Variants in TGM4 observed in about 807,000 individuals in gnomAD.
TGM4 encodes the protein protein-glutamine gamma-glutamyltransferase 4.
A neutral mutation model predicts 76.3 loss-of-function variants in TGM4; 61 were observed. That is an observed-to-expected ratio of 0.80 (90% confidence interval 0.65 to 0.99). TGM4 has a LOEUF of 0.99. Ranked by LOEUF, TGM4 falls within the 50% of genes least tolerant of loss-of-function variation. The pLI, the probability that TGM4 is intolerant of heterozygous loss-of-function variation, is 0.00. For missense variants in TGM4, 794 were observed against 843.2 expected (o/e 0.94, Z 0.72); for synonymous variants, 337 against 329.8 (o/e 1.02, Z -0.24).
chr3:44,890,131 G>A (rs529765972), intron 3 of TGM4, among the ~76,000 whole-genome samples: 2 of 152,146 alleles, frequency 1.3e-5, no homozygotes, highest in Non-Finnish European at 2.9e-5. Flanking sequence ...GGGGGAAACT[G>A]CCCCCATGAT....
At chr3:44,890,959 C>T (rs4408902) in intron 4 of TGM4, among the ~76,000 whole-genome samples, 3,042 of 152,264 alleles carry the variant, frequency 0.02, 51 homozygotes, top group Middle Eastern at 0.065. Flanking sequence ...CCCAGTGCCT[C>T]GCCCTGCCCC....
chr3:44,875,403 C>T (rs1434746710), intron 1 of TGM4, among the ~76,000 whole-genome samples: 1 of 152,160 alleles, frequency 6.6e-6, no homozygotes, highest in African/African-American at 2.4e-5. Context: ...CTCAAGGTCA[C>T]CTGATGGATT....
intron 5 of TGM4, among the ~76,000 whole-genome samples, chr3:44,895,085 G>A (rs755979323): frequency 2.0e-4 from 31 of 151,634 alleles, no homozygotes; most frequent in Non-Finnish European, 3.2e-4. Flanking sequence ...CATGAGGCCC[G>A]GAGATCGAGA....
Position 44,903,973 on chromosome 3 carries a change from A to G in TGM4, c.1061A>G (p.Gln354Arg), listed in dbSNP as rs1699888652. The G allele has an allele frequency of 6.2e-7, 1 of 1,613,856 alleles. No homozygotes were observed. Among genetic ancestry groups the G allele is most frequent in the Non-Finnish European group, 8.5e-7 (1 of 1,180,030 alleles). Residue 354 changes from glutamine to arginine, a missense_variant, in exon 9 of 14, where the codon CAG becomes CGG. Physicochemically the swap from Gln to Arg is conservative, Grantham distance 43. Coordinates refer to ENST00000296125, the MANE Select transcript of TGM4 (RefSeq NM_003241.4). ...DGWQAVDATP[Q>R]ERSQGVFCCG... Reference sequence around the variant, plus strand: ...TGGCAGGCTGTGGACGCAACGCCGCAGGAGCGAAGCCAGGGTGAGTGGGTG... The same window carrying G: ...TGGCAGGCTGTGGACGCAACGCCGCGGGAGCGAAGCCAGGGTGAGTGGGTG...
intron 6 of TGM4, 69 bp from the exon 7 acceptor site, chr3:44,901,455 C>T (rs1169812916): frequency 1.3e-6 from 2 of 1,504,392 alleles, no homozygotes; most frequent in African/African-American, 1.4e-5. Flanking sequence ...GCTGGGTGGC[C>T]AAGCTGGGCT....
chr3:44,910,372 C>G lies in TGM4; in HGVS notation c.1606+4C>G. On this transcript the variant is annotated splice_donor_region_variant and intron_variant, in intron 11 of 13. Transcript: ENST00000296125. ...ACCTCGCAGATCCAAGGTCAAGGTA[C>G]CAGAACCAGAGGGAGGAGAGGCCTC... The G allele has an allele frequency of 6.2e-7, 1 of 1,612,352 alleles. No individual in the cohort carries two copies. Among genetic ancestry groups the G allele is most frequent in the South Asian group, 1.1e-5 (1 of 91,054 alleles).
At chr3:44,879,473 ATTTTT>A (rs1184527794) in intron 1 of TGM4, among the ~76,000 whole-genome samples, 1 of 123,712 alleles carries the variant, frequency 8.1e-6, no homozygotes, top group Admixed American at 8.1e-5. Context: ...AGCCTGGCTA[ATTTTT>A]TTTTTTTTTT....
At chr3:44,897,013 T>C (rs529662033) in intron 6 of TGM4, among the ~76,000 whole-genome samples, 197 bp downstream of exon 6, 3 of 148,788 alleles carry the variant, frequency 2.0e-5, no homozygotes, top group South Asian at 4.3e-4. Flanking sequence ...TTTTTTTTTT[T>C]TTTTTTTTGA....
At chr3:44,881,699 A>G (rs1262067975) in intron 1 of TGM4, among the ~76,000 whole-genome samples, 1 of 152,270 alleles carries the variant, frequency 6.6e-6, no homozygotes, top group East Asian at 1.9e-4. Context: ...ACAAGAGCTC[A>G]TTAGCAACTA....
intron 9 of TGM4, among the ~76,000 whole-genome samples, chr3:44,906,535 T>C (rs967127765): frequency 2.6e-5 from 4 of 152,262 alleles, no homozygotes; most frequent in African/African-American, 7.2e-5. Flanking sequence ...ATCTTCGCAA[T>C]AGCCTTAGAA....
rs748172687 is a variant in TGM4, at chr3:44,901,887, T to G, written c.927T>G (p.Asn309Lys). 9 of 1,614,084 alleles carry G rather than the reference T, an allele frequency of 5.6e-6. No homozygotes were observed. The highest frequency in any genetic ancestry group is 7.6e-6 in the Non-Finnish European group (9 of 1,180,026). The change falls in exon 8 of 14, where the codon AAT becomes AAG. Residue 309 changes from asparagine to lysine, a missense_variant. Transcript: ENST00000296125. ...ACCTCACGGTGGACACCTATGTGAA[T>G]GAGAATGGCGAGAAAATCACCAGTA... ...ERNLTVDTYV[N>K]ENGEKITSMT...
rs371383940 is a variant in TGM4 at position 44,892,521 on chromosome 3, C to T, written c.431-1056C>T. ...AAGTAGCTGGGATTACAGGCACATG[C>T]CACCACACCCAGCTAATTTTTGTAT... On this transcript the variant is annotated intron_variant, in intron 4 of 13. Transcript: ENST00000296125. Among the ~76,000 whole-genome samples, 257 of 151,888 alleles carry T rather than the reference C, an allele frequency of 1.7e-3. 1 individual carries two copies. The highest frequency in any genetic ancestry group is 5.8e-3 in the African/African-American group (242 of 41,470).
At chr3:44,879,652 A>AT (rs898776572) in intron 1 of TGM4, among the ~76,000 whole-genome samples, 5 of 150,492 alleles carry the variant, frequency 3.3e-5, no homozygotes, top group African/African-American at 7.4e-5. Flanking sequence ...TTGATTTTGT[A>AT]TTTTTAGTAG....
intron 10 of TGM4, among the ~76,000 whole-genome samples, chr3:44,908,237 G>A (rs1699951965): frequency 6.6e-6 from 1 of 152,194 alleles, no homozygotes; most frequent in African/African-American, 2.4e-5. Flanking sequence ...TTTGTGTTCA[G>A]AATGGACGTG....
At chr3:44,876,989 A>C (rs530012734) in intron 1 of TGM4, among the ~76,000 whole-genome samples, 1 of 152,214 alleles carries the variant, frequency 6.6e-6, no homozygotes, top group Non-Finnish European at 1.5e-5. Context: ...CTTACTTGTA[A>C]CGAGGGTGGT....
At chr3:44,909,203 A>G (rs1360964765) in intron 10 of TGM4, among the ~76,000 whole-genome samples, 1 of 152,178 alleles carries the variant, frequency 6.6e-6, no homozygotes, top group Non-Finnish European at 1.5e-5. Context: ...CTGGCAGGCA[A>G]TTTACAATTC....
chr3:44,911,014 T>G lies in TGM4; in HGVS notation c.1663T>G (p.Leu555Val), dbSNP rs1367963437. Residue 555 changes from leucine to valine, a missense_variant, in exon 12 of 14, where the codon TTA becomes GTA. Transcript: ENST00000296125. ...SKTYINSLAILDDEPVIRGFI... is the reference protein window; with the variant it reads ...SKTYINSLAIVDDEPVIRGFI... ...GACCTACATCAACAGCCTGGCTATA[T>G]TAGATGATGAGCCAGTTATCAGAGG... is the stretch of plus-strand genomic sequence containing the variant. 3.1e-6 allele frequency: 5 copies of G among 1,614,164 alleles called. No homozygotes were observed. The highest frequency in any genetic ancestry group is 1.7e-5 in the Admixed American group (1 of 60,026).
intron 6 of TGM4, among the ~76,000 whole-genome samples, chr3:44,899,953 C>T (rs1028962662): frequency 3.9e-5 from 6 of 152,150 alleles, no homozygotes; most frequent in Non-Finnish European, 5.9e-5. Context: ...AAGTGACAGC[C>T]ATCACTTTTG....
chr3:44,890,773 C>A, intron 4 of TGM4, 41 bp downstream of exon 4: 1 of 1,608,940 alleles, frequency 6.2e-7, no homozygotes, highest in Non-Finnish European at 8.5e-7. Flanking sequence ...GGCAGGTGAC[C>A]CCGGCAAAAC....
Sources: allele counts gnomAD v4.1 joint callset (sites outside exome capture counted in the v4.1 genomes callset), GRCh38; gene constraint gnomAD v4.1.1; transcripts MANE v1.5; gene names NCBI Gene and HGNC (gene_info 2026-07-23, HGNC 2026-07-21).